The following DMD variants were observed in gnomAD, a reference collection of about 807,000 sequenced individuals.
DMD encodes dystrophin.
In DMD, 63 loss-of-function variants were observed where a neutral mutation model predicts 330.1. That is an observed-to-expected ratio of 0.19 (90% confidence interval 0.16 to 0.24). The LOEUF (loss-of-function observed/expected upper bound fraction) is 0.24. DMD is among the 10% of genes least tolerant of loss of function. The pLI, the probability that DMD is intolerant of heterozygous loss-of-function variation, is 1.00. For synonymous variants in DMD, 1,223 were observed against 959.8 expected (o/e 1.27, Z -5.07); for missense variants, 3,344 against 2,684.1 (o/e 1.25, Z -5.43).
At chrX:33,329,929 C>T in intron 1 of DMD, among the ~76,000 whole-genome samples, 1 of 111,393 alleles carries the variant, frequency 9.0e-6, no homozygotes, top group Non-Finnish European at 1.9e-5. Flanking sequence ...TTTTAAAAAT[C>T]AAGGAGGACA....
At chrX:32,565,638 T>C (rs1168584163) in intron 16 of DMD, 64 bp downstream of exon 16, 5 of 1,090,555 alleles carry the variant, frequency 4.6e-6, no homozygotes, top group Non-Finnish European at 6.4e-6. Context: ...ATAATGTCAC[T>C]CTCTTAATGC....
rs147321036 is a variant in DMD at position 32,263,590 on chromosome X, C to T, written c.6290+23939G>A. On this transcript the variant is annotated intron_variant, in intron 43 of 78. Coordinates refer to ENST00000357033, the MANE Select transcript of DMD (RefSeq NM_004006.3). Reference sequence around the variant, plus strand: ...GTAGCAGGTTTCACTTTTCAATAAACGAAATAGCCGTGACAATTCTGTCTT... The same window carrying T: ...GTAGCAGGTTTCACTTTTCAATAAATGAAATAGCCGTGACAATTCTGTCTT... 1.7e-4 allele frequency among the ~76,000 whole-genome samples: 19 copies of T among 111,954 alleles called. No individual in the cohort carries two copies. The East Asian group carries it at 3.7e-3, about 22-fold the overall frequency.
At chrX:32,092,181 T>A (rs1010910354) in intron 44 of DMD, among the ~76,000 whole-genome samples, 2 of 111,591 alleles carry the variant, frequency 1.8e-5, no homozygotes, top group African/African-American at 6.5e-5. Context: ...TGCATGATAA[T>A]GTGCCTCAAT....
chrX:32,316,427 T>C (rs1300958312), intron 41 of DMD, among the ~76,000 whole-genome samples: 2 of 111,304 alleles, frequency 1.8e-5, no homozygotes, highest in African/African-American at 6.5e-5. Flanking sequence ...TTATAAAGTC[T>C]AAAAGGTTAA....
Position 32,215,716 on chromosome X carries a change from C to G in DMD, c.6438+1200G>C, listed in dbSNP as rs981285270. On this transcript the variant is annotated intron_variant, in intron 44 of 78. Coordinates refer to ENST00000357033, the MANE Select transcript of DMD (RefSeq NM_004006.3). The stretch of plus-strand genomic sequence containing the variant: ...ATAACTCTAATATGTTTCTGCCTCT[C>G]AGGCAGAAACCCCATTATGCTACAT... 4.5e-5 allele frequency among the ~76,000 whole-genome samples: 5 copies of G among 111,512 alleles called. No individual in the cohort carries two copies. The South Asian group carries it at 1.9e-3, about 42-fold the overall frequency.
intron 59 of DMD, among the ~76,000 whole-genome samples, chrX:31,449,979 G>A (rs1262742614): frequency 9.2e-6 from 1 of 108,569 alleles, no homozygotes; most frequent in East Asian, 2.9e-4. Flanking sequence ...CAAAAATGAA[G>A]TGTTATTCTT....
intron 34 of DMD, among the ~76,000 whole-genome samples, chrX:32,365,784 T>C (rs780370628): frequency 8.9e-6 from 1 of 112,315 alleles, no homozygotes; most frequent in Admixed American, 9.5e-5. Context: ...TCCTAATATG[T>C]TAATTAACAA....
At position 31,773,900 on chromosome X, in the gene DMD, G is replaced by A. The variant is rs187269999; in HGVS notation, c.7542+60C>T. ...AATGGTCTAGGAGAGTAAAGTGATT[G>A]GTGGAAAATCTTCATTTTAAAGAAA... On this transcript the variant is annotated intron_variant, in intron 51 of 78. Coordinates refer to ENST00000357033, the MANE Select transcript of DMD (RefSeq NM_004006.3). 1,345 of 1,035,077 alleles carry A rather than the reference G, an allele frequency of 1.3e-3. 3 individuals carry two copies. Among genetic ancestry groups the A allele is most frequent in the East Asian group, 2.7e-3 (87 of 32,726 alleles). The allele number at this position is 1,035,077 out of a possible 1,213,427, so 85.3% of individuals were successfully genotyped here.
chrX:32,392,218 C>T (rs761936088), intron 30 of DMD, among the ~76,000 whole-genome samples: 4 of 111,616 alleles, frequency 3.6e-5, no homozygotes, highest in African/African-American at 1.3e-4. Context: ...AACAAAAACA[C>T]TGATGGCTTC....
intron 2 of DMD, among the ~76,000 whole-genome samples, chrX:32,851,030 T>C (rs769887464): frequency 1.8e-5 from 2 of 111,781 alleles, no homozygotes; most frequent in Non-Finnish European, 3.8e-5. Context: ...ACAAATACTT[T>C]CCAAAAAACG....
intron 55 of DMD, among the ~76,000 whole-genome samples, chrX:31,601,936 T>C (rs190366126): frequency 9.1e-4 from 101 of 111,365 alleles, no homozygotes; most frequent in Non-Finnish European, 1.7e-4. Flanking sequence ...GTTTTTCCTA[T>C]AAAAATCTTC....
chrX:32,051,929 C>A (rs768095159), intron 44 of DMD, among the ~76,000 whole-genome samples: 1 of 111,453 alleles, frequency 9.0e-6, no homozygotes, highest in Non-Finnish European at 1.9e-5. Context: ...ATTCACAGGA[C>A]AACATTCAAT....
intron 2 of DMD, among the ~76,000 whole-genome samples, chrX:32,853,884 A>G (rs1167813968): frequency 9.0e-6 from 1 of 111,133 alleles, no homozygotes; most frequent in African/African-American, 3.3e-5. Context: ...AGGGATGTAA[A>G]AAGATATTCC....
At chrX:31,269,926 G>A (rs1047529135) in intron 62 of DMD, among the ~76,000 whole-genome samples, 1 of 111,893 alleles carries the variant, frequency 8.9e-6, no homozygotes, top group Non-Finnish European at 1.9e-5. Context: ...CTTTCCTGCC[G>A]TTTGGCTTCC....
At chrX:32,205,566 A>T (rs1238033249) in intron 44 of DMD, among the ~76,000 whole-genome samples, 1 of 111,311 alleles carries the variant, frequency 9.0e-6, no homozygotes, top group Non-Finnish European at 1.9e-5. Context: ...TATACCACTT[A>T]AATGTTTCAA....
At chrX:32,121,757 A>G (rs1424053200) in intron 44 of DMD, among the ~76,000 whole-genome samples, 1 of 100,619 alleles carries the variant, frequency 9.9e-6, no homozygotes, top group Non-Finnish European at 2.0e-5. Context: ...GTGTGTGTGT[A>G]TACACACACT....
chrX:32,689,927 A>G (rs1000435404), intron 9 of DMD, among the ~76,000 whole-genome samples: 1 of 111,130 alleles, frequency 9.0e-6, no homozygotes, highest in African/African-American at 3.3e-5. Context: ...AGCCATATAT[A>G]AAAAGATCGC....
intron 18 of DMD, among the ~76,000 whole-genome samples, chrX:32,511,480 C>T (rs1211562622): frequency 1.0e-5 from 1 of 98,978 alleles, no homozygotes; most frequent in African/African-American, 3.8e-5. Context: ...CAAGATTGCG[C>T]CACTGCACTC....
At chrX:31,932,030 A>G in intron 46 of DMD, 50 bp downstream of exon 46, 2 of 1,174,089 alleles carry the variant, frequency 1.7e-6, no homozygotes, top group Non-Finnish European at 2.3e-6. Flanking sequence ...ATAGATTCAT[A>G]TACTTCTTTA....
Sources: allele counts gnomAD v4.1 joint callset (sites outside exome capture counted in the v4.1 genomes callset), GRCh38; gene constraint gnomAD v4.1.1; transcripts MANE v1.5; gene names NCBI Gene and HGNC (gene_info 2026-07-23, HGNC 2026-07-21).